CFAP58: variants seen among roughly 807,000 people sequenced by gnomAD.
CFAP58 encodes cilia and flagella associated protein 58.
CFAP58 carries 88 observed loss-of-function variants against 119.5 expected under a neutral mutation model. The observed-to-expected ratio is 0.74, with a 90% CI of 0.62 to 0.88. CFAP58 has a LOEUF of 0.88. Ranked by LOEUF, CFAP58 falls within the 40% of genes least tolerant of loss-of-function variation. The pLI is 0.00. For synonymous variants in CFAP58, 365 were observed against 366.3 expected (o/e 1.00, Z 0.04); for missense variants, 990 against 1,021.2 (o/e 0.97, Z 0.42).
At chr10:104,350,000 GA>G (rs1448961661), upstream of CFAP58, among the ~76,000 whole-genome samples, 3 of 152,192 alleles carry the variant, frequency 2.0e-5, no homozygotes, top group Admixed American at 6.5e-5. Context: ...CCAGAAAGTC[GA>G]AAGGGCCAGA....
intron 15 of CFAP58, among the ~76,000 whole-genome samples, chr10:104,422,185 T>C (rs986270239): frequency 1.3e-5 from 2 of 152,050 alleles, no homozygotes; most frequent in East Asian, 1.9e-4. Flanking sequence ...AAACATAAAA[T>C]AGGATAAAAT....
At chr10:104,355,649 T>C (rs1233412280) in intron 1 of CFAP58, among the ~76,000 whole-genome samples, 2 of 152,264 alleles carry the variant, frequency 1.3e-5, no homozygotes, top group East Asian at 1.9e-4. Flanking sequence ...AAACAATCAG[T>C]GAATAGGTGA....
chr10:104,381,824 T>C (rs890064808), intron 9 of CFAP58, among the ~76,000 whole-genome samples: 6 of 152,172 alleles, frequency 3.9e-5, no homozygotes, highest in Non-Finnish European at 8.8e-5. Flanking sequence ...TGCAGGACAG[T>C]GATCCCCAAT....
intron 15 of CFAP58, among the ~76,000 whole-genome samples, chr10:104,443,095 T>C (rs2013065435): frequency 6.6e-6 from 1 of 152,218 alleles, no homozygotes; most frequent in East Asian, 1.9e-4. Flanking sequence ...TAGAGAGAGA[T>C]TCACCATGGT....
At chr10:104,394,453 T>G (rs1334087160) in intron 11 of CFAP58, among the ~76,000 whole-genome samples, 1 of 152,250 alleles carries the variant, frequency 6.6e-6, no homozygotes, top group African/African-American at 2.4e-5. Context: ...TCTTGAAAAT[T>G]TATATCTAGT....
chr10:104,443,878 T>A (rs1468001707), intron 15 of CFAP58, among the ~76,000 whole-genome samples: 1 of 152,224 alleles, frequency 6.6e-6, no homozygotes. Flanking sequence ...AATTTCTTAC[T>A]ACCATACTTA....
chr10:104,380,734 A>G (rs916051045), intron 9 of CFAP58, among the ~76,000 whole-genome samples: 12 of 151,950 alleles, frequency 7.9e-5, no homozygotes, highest in African/African-American at 2.9e-4. Context: ...ACGATTATGA[A>G]CTCCTGCAAT....
At chr10:104,366,681 A>G (rs1466687517) in intron 5 of CFAP58, among the ~76,000 whole-genome samples, 1 of 152,126 alleles carries the variant, frequency 6.6e-6, no homozygotes, top group Non-Finnish European at 1.5e-5. Flanking sequence ...GCATCATTTC[A>G]AGTACTCAGT....
At chr10:104,397,979 C>T (rs1230958347) in intron 11 of CFAP58, among the ~76,000 whole-genome samples, 1 of 152,224 alleles carries the variant, frequency 6.6e-6, no homozygotes, top group African/African-American at 2.4e-5. Context: ...TCTAATTCAG[C>T]CATACTGGCT....
At position 104,406,717 on chromosome 10, in the gene CFAP58, T is replaced by C. The variant is rs763973020; in HGVS notation, c.2180T>C (p.Ile727Thr). The part of the protein sequence containing the change: ...EASDPNAYEL[I>T]QKIHTLQKRL... ...AGCGACCCCAATGCATATGAGCTGA[T>C]ACAGAAAATTCACACCCTGCAGAAG... Residue 727 changes from isoleucine (I) to threonine (T), a missense_variant, in exon 15 of 18, where the codon ATA (isoleucine) becomes ACA (threonine). Transcript: ENST00000369704. 2.5e-6 allele frequency: 4 copies of C among 1,614,208 alleles called. No homozygotes were observed. Among genetic ancestry groups the C allele is most frequent in the Admixed American group, 1.7e-5 (1 of 60,018 alleles).
At chr10:104,422,892 G>GT (rs2012683785) in intron 15 of CFAP58, among the ~76,000 whole-genome samples, 1 of 152,206 alleles carries the variant, frequency 6.6e-6, no homozygotes. Flanking sequence ...GTTCAACACT[G>GT]TACCACAGTC....
At chr10:104,353,778 T>G, upstream of CFAP58, 2 of 1,271,954 alleles carry the variant, frequency 1.6e-6, no homozygotes, top group South Asian at 1.4e-5. Context: ...CGAGCGCGGG[T>G]TTCCGCTCGG....
chr10:104,440,834 T>C (rs778782766), intron 15 of CFAP58, among the ~76,000 whole-genome samples: 1 of 152,198 alleles, frequency 6.6e-6, no homozygotes, highest in Non-Finnish European at 1.5e-5. Context: ...ATCTGAAATA[T>C]TTCCCTTTCC....
chr10:104,372,358 A>G (rs956809811), intron 7 of CFAP58, among the ~76,000 whole-genome samples: 4 of 152,226 alleles, frequency 2.6e-5, no homozygotes, highest in Non-Finnish European at 5.9e-5. Context: ...GTTTCAAAAA[A>G]TAAAAAAGAA....
chr10:104,390,131 C>T (rs922966750), intron 9 of CFAP58, among the ~76,000 whole-genome samples: 2 of 152,110 alleles, frequency 1.3e-5, no homozygotes, highest in African/African-American at 4.8e-5. Context: ...CCTGGGAATC[C>T]ATCCCACAGA....
chr10:104,403,668 G>A, intron 13 of CFAP58, 61 bp from the exon 14 acceptor site: 1 of 1,137,212 alleles, frequency 8.8e-7, no homozygotes, highest in Admixed American at 2.0e-5. Context: ...ACTAATTAAA[G>A]ATAGATAGGA....
intron 16 of CFAP58, among the ~76,000 whole-genome samples, 199 bp from the exon 17 acceptor site, chr10:104,449,872 C>G (rs935677322): frequency 6.6e-6 from 1 of 152,054 alleles, no homozygotes; most frequent in Admixed American, 6.6e-5. Flanking sequence ...AAGTTGCAAC[C>G]TAGTGATGCA....
chr10:104,357,943 GTACACATATA>G lies in CFAP58; in HGVS notation c.10-386_10-377del, dbSNP rs1202252480. 3.5e-3 allele frequency among the ~76,000 whole-genome samples: 385 copies of G among 109,688 alleles called. 18 individuals are homozygous for G. The highest frequency in any genetic ancestry group is 0.016 in the African/African-American group (330 of 20,214). The allele number at this position is 109,688 out of a possible 152,430, so 72.0% of individuals were successfully genotyped here. ...TATGTACACATATACACACATATAT[GTACACATATA>G]TACACATATATGTACACATATGTAC... On this transcript the variant is annotated intron_variant, in intron 1 of 17. Transcript: ENST00000369704.
upstream of CFAP58, among the ~76,000 whole-genome samples, chr10:104,349,162 C>T (rs192187891): frequency 0.011 from 1,673 of 152,256 alleles, 36 homozygotes; most frequent in African/African-American, 0.039. Context: ...GCAGGAGAAT[C>T]GCTTGAACCT....
Sources: allele counts gnomAD v4.1 joint callset (sites outside exome capture counted in the v4.1 genomes callset), GRCh38; gene constraint gnomAD v4.1.1; transcripts MANE v1.5; gene names NCBI Gene and HGNC (gene_info 2026-07-23, HGNC 2026-07-21).